XRN2: variants seen among roughly 807,000 people sequenced by gnomAD.
XRN2 encodes DHM1-like protein.
In XRN2, 44 loss-of-function variants were observed where a neutral mutation model predicts 138.5. The observed-to-expected ratio is 0.32, with a 90% CI of 0.25 to 0.41. XRN2 has a LOEUF of 0.41. XRN2 is among the 10% of genes least tolerant of loss of function. The probability of loss-of-function intolerance (pLI) is 1.00; values close to 1 mark genes in which losing one functional copy is unlikely to be tolerated. For missense variants in XRN2, 937 were observed against 1,169.3 expected (o/e 0.80, Z 2.90); for synonymous variants, 354 against 369.4 (o/e 0.96, Z 0.48).
rs766052841 is a variant in XRN2 at position 21,333,694 on chromosome 20, T to C, written c.934-10T>C. The C allele has an allele frequency of 3.7e-6, 6 of 1,613,936 alleles. No individual in the cohort carries two copies. In the African/African-American group the frequency reaches 8.0e-5, roughly 22 times the overall value. ...ATAGCTGTAATGGCAGCATTCCTTT[T>C]TGGTTGTAGTATTTGGAAAGAGAAC... On this transcript the variant is annotated splice_polypyrimidine_tract_variant and intron_variant, in intron 10 of 29. Coordinates refer to ENST00000377191, the MANE Select transcript of XRN2 (RefSeq NM_012255.5).
At chr20:21,344,621 T>A (rs2038413214) in intron 16 of XRN2, among the ~76,000 whole-genome samples, 1 of 152,232 alleles carries the variant, frequency 6.6e-6, no homozygotes, top group Non-Finnish European at 1.5e-5. Flanking sequence ...TCTTCTCTAT[T>A]GAAAGAGTTC....
rs140734888 is a variant in XRN2, at chr20:21,379,090, A to T, written c.2585-2904A>T. ...CAGTAAACATGGAATCTTTTCTGTG[A>T]TTGCCACGCTGATTAGGTAAATTGT... On this transcript the variant is annotated intron_variant, in intron 27 of 29. Coordinates refer to ENST00000377191, the MANE Select transcript of XRN2 (RefSeq NM_012255.5). Among the ~76,000 whole-genome samples, 244 of 152,302 alleles carry T rather than the reference A, an allele frequency of 1.6e-3. 2 individuals carry two copies. In the Middle Eastern group the frequency reaches 0.017, roughly 11 times the overall value.
chr20:21,347,840 G>T (rs983985511), intron 17 of XRN2, among the ~76,000 whole-genome samples: 1 of 152,162 alleles, frequency 6.6e-6, no homozygotes, highest in Non-Finnish European at 1.5e-5. Flanking sequence ...GTCACCAAAT[G>T]TATTTTAAGG....
intron 1 of XRN2, among the ~76,000 whole-genome samples, chr20:21,305,553 CT>C (rs1180206108): frequency 9.1e-4 from 18 of 19,840 alleles, no homozygotes; most frequent in East Asian, 4.7e-3. Context: ...CATACGTGGC[CT>C]TTTTTTTTTT....
rs902769348 is a variant in XRN2 at position 21,339,141 on chromosome 20, T to C, written c.1278+53T>C. The C allele has an allele frequency of 5.2e-6, 8 of 1,534,718 alleles. No individual in the cohort carries two copies. In the African/African-American group the frequency reaches 5.5e-5, roughly 11 times the overall value. On this transcript the variant is annotated intron_variant, in intron 14 of 29. Transcript: ENST00000377191. ...GGCAATAGCGTAATTTTACAATTTA[T>C]GAGGAAGATGTTCATTACAGTAGCT...
chr20:21,325,125 A>G (rs762100042), intron 1 of XRN2, among the ~76,000 whole-genome samples: 15 of 152,174 alleles, frequency 9.9e-5, no homozygotes, highest in Non-Finnish European at 1.9e-4. Flanking sequence ...AATGTTTTTG[A>G]GCTTCATCCA....
chr20:21,343,314 A>G (rs1302018968), intron 15 of XRN2, among the ~76,000 whole-genome samples: 1 of 152,044 alleles, frequency 6.6e-6, no homozygotes, highest in Non-Finnish European at 1.5e-5. Context: ...GTTATATTAA[A>G]ATATGTTAAT....
At chr20:21,322,670 T>G (rs574087072) in intron 1 of XRN2, among the ~76,000 whole-genome samples, 9 of 152,358 alleles carry the variant, frequency 5.9e-5, no homozygotes, top group African/African-American at 2.2e-4. Flanking sequence ...GGGATATACT[T>G]CAAAACCTGT....
At chr20:21,358,502 C>T (rs1011772530) in intron 24 of XRN2, among the ~76,000 whole-genome samples, 8 of 152,170 alleles carry the variant, frequency 5.3e-5, no homozygotes, top group South Asian at 2.1e-4. Flanking sequence ...AAAGCAAACA[C>T]ATCTCAGGTA....
intron 13 of XRN2, among the ~76,000 whole-genome samples, chr20:21,336,450 A>C (rs941681558): frequency 6.6e-6 from 1 of 152,216 alleles, no homozygotes; most frequent in South Asian, 2.1e-4. Context: ...CGACAGAGCA[A>C]GTCTCTTGTC....
At chr20:21,367,284 G>A (rs2038715214) in intron 26 of XRN2, among the ~76,000 whole-genome samples, 1 of 152,102 alleles carries the variant, frequency 6.6e-6, no homozygotes, top group African/African-American at 2.4e-5. Flanking sequence ...GGTAAAGCTG[G>A]TATAGAAAGA....
chr20:21,330,215 C>T (rs180685867), intron 4 of XRN2, among the ~76,000 whole-genome samples: 2 of 152,018 alleles, frequency 1.3e-5, no homozygotes, highest in African/African-American at 2.4e-5. Flanking sequence ...CCCCGGAAGG[C>T]GGAGGTTGCA....
intron 20 of XRN2, among the ~76,000 whole-genome samples, chr20:21,350,539 A>AG (rs2038495769): frequency 6.6e-6 from 1 of 150,496 alleles, no homozygotes; most frequent in East Asian, 1.9e-4. Flanking sequence ...AAAAAAAAAA[A>AG]AAAAAAAAAA....
At chr20:21,335,418 G>A (rs914685251) in intron 13 of XRN2, among the ~76,000 whole-genome samples, 12 of 152,174 alleles carry the variant, frequency 7.9e-5, no homozygotes, top group East Asian at 1.9e-4. Flanking sequence ...ATTAAAATGT[G>A]TCATTGAATC....
At chr20:21,342,764 C>T (rs758320394) in intron 15 of XRN2, among the ~76,000 whole-genome samples, 1 of 152,150 alleles carries the variant, frequency 6.6e-6, no homozygotes, top group Non-Finnish European at 1.5e-5. Context: ...ACGTTATCAT[C>T]CCCATTTTAA....
chr20:21,364,920 T>G (rs1022894317), intron 24 of XRN2, among the ~76,000 whole-genome samples: 7 of 152,196 alleles, frequency 4.6e-5, no homozygotes, highest in African/African-American at 1.7e-4. Flanking sequence ...AAGTTTAATT[T>G]TTTTTGTTAA....
At chr20:21,312,201 C>T (rs1421315046) in intron 1 of XRN2, among the ~76,000 whole-genome samples, 1 of 151,938 alleles carries the variant, frequency 6.6e-6, no homozygotes, top group Non-Finnish European at 1.5e-5. Context: ...CAAGCTCTGC[C>T]TCCCAGGCTC....
intron 24 of XRN2, among the ~76,000 whole-genome samples, chr20:21,360,108 A>G (rs1197560816): frequency 1.3e-5 from 2 of 152,108 alleles, no homozygotes; most frequent in African/African-American, 2.4e-5. Context: ...CCCATTTCTA[A>G]TTCCACAAAT....
chr20:21,308,000 G>C (rs1248914163), intron 1 of XRN2, among the ~76,000 whole-genome samples: 1 of 74,488 alleles, frequency 1.3e-5, no homozygotes, highest in African/African-American at 3.7e-5. Context: ...GCAGTGGTGC[G>C]ATCTCGGCTC....
Sources: gnomAD v4.1 joint callset for allele counts (sites outside exome capture counted in the v4.1 genomes callset) on GRCh38, gnomAD v4.1.1 for gene constraint, MANE v1.5 for transcripts, NCBI Gene and HGNC (gene_info 2026-07-23, HGNC 2026-07-21) for gene names.